PDE8B: variants seen among roughly 807,000 people sequenced by gnomAD.
PDE8B encodes phosphodiesterase 8B.
In PDE8B, 26 loss-of-function variants were observed where a neutral mutation model predicts 101.3. That is an observed-to-expected ratio of 0.26 (90% CI 0.19 to 0.36). PDE8B has a LOEUF of 0.36. Among genes scored for constraint, PDE8B ranks in the 10% least tolerant of loss-of-function variants. The pLI, the probability that PDE8B is intolerant of heterozygous loss-of-function variation, is 1.00. For missense variants in PDE8B, 810 were observed against 1,163.1 expected (o/e 0.70, Z 4.42); for synonymous variants, 424 against 429.3 (o/e 0.99, Z 0.15).
At chr5:77,332,816 A>C (rs1777389777) in intron 5 of PDE8B, among the ~76,000 whole-genome samples, 1 of 148,728 alleles carries the variant, frequency 6.7e-6, no homozygotes, top group African/African-American at 2.5e-5. Context: ...CAGCCTGGAC[A>C]AGAAGAGTAA....
chr5:77,140,429 G>C, the PDE8B span: 1 of 152,224 alleles, frequency 6.6e-6, no homozygotes, highest in South Asian at 2.1e-4. Context: ...AAAATCCCCA[G>C]ATCTCCAGGG....
intron 1 of PDE8B, among the ~76,000 whole-genome samples, chr5:77,309,133 G>T (rs1771930643): frequency 1.3e-5 from 2 of 149,588 alleles, no homozygotes; most frequent in South Asian, 4.3e-4. Context: ...GAGCCAAGAA[G>T]GCACCACTGC....
chr5:77,241,919 A>T (rs895265385), intron 1 of PDE8B, among the ~76,000 whole-genome samples: 1 of 152,202 alleles, frequency 6.6e-6, no homozygotes, highest in African/African-American at 2.4e-5. Flanking sequence ...TGCCTTGCCC[A>T]CCACTACTAC....
chr5:77,381,078 T>C (rs1236545115), intron 10 of PDE8B, among the ~76,000 whole-genome samples: 2 of 152,056 alleles, frequency 1.3e-5, no homozygotes, highest in Non-Finnish European at 2.9e-5. Flanking sequence ...GGATCAGAGG[T>C]GCACCTGGAG....
At chr5:77,347,568 G>A (rs1468978693) in intron 7 of PDE8B, among the ~76,000 whole-genome samples, 1 of 152,220 alleles carries the variant, frequency 6.6e-6, no homozygotes, top group Non-Finnish European at 1.5e-5. Context: ...TTAATAAACA[G>A]TCCTGAGTAT....
chr5:77,379,646 G>A (rs1787060486), intron 10 of PDE8B, among the ~76,000 whole-genome samples: 1 of 152,178 alleles, frequency 6.6e-6, no homozygotes, highest in Non-Finnish European at 1.5e-5. Flanking sequence ...ACTGAGGACA[G>A]GGGCCCAGAG....
intron 5 of PDE8B, among the ~76,000 whole-genome samples, chr5:77,335,534 T>G (rs796281256): frequency 0.017 from 1,195 of 70,708 alleles, 24 homozygotes; most frequent in South Asian, 0.16. Context: ...ATATGTGGGG[T>G]GTGTGTGTGT....
intron 12 of PDE8B, among the ~76,000 whole-genome samples, chr5:77,405,849 A>G (rs559419881): frequency 3.9e-5 from 6 of 152,170 alleles, no homozygotes; most frequent in Non-Finnish European, 8.8e-5. Flanking sequence ...AAATGGGAGG[A>G]CACGTTCTGG....
intron 1 of PDE8B, among the ~76,000 whole-genome samples, chr5:77,245,851 C>A: frequency 3.3e-5 from 2 of 60,716 alleles, no homozygotes; most frequent in African/African-American, 2.1e-4. Flanking sequence ...CCCCCCCCGC[C>A]CCCCCCCCCC....
chr5:77,327,826 CTT>C (rs1168181730), intron 3 of PDE8B, among the ~76,000 whole-genome samples: 2 of 152,176 alleles, frequency 1.3e-5, no homozygotes, highest in African/African-American at 4.8e-5. Flanking sequence ...ACAGAGGAAA[CTT>C]CACTTCCTGG....
chr5:77,096,549 A>T, the PDE8B span, among the ~76,000 whole-genome samples: 1 of 152,022 alleles, frequency 6.6e-6, no homozygotes, highest in Non-Finnish European at 1.5e-5. Flanking sequence ...AGGAGGAGAA[A>T]CTCCCTTCAT....
intron 1 of PDE8B, among the ~76,000 whole-genome samples, chr5:77,257,605 T>C (rs1372081173): frequency 6.6e-6 from 1 of 152,134 alleles, no homozygotes; most frequent in African/African-American, 2.4e-5. Context: ...GAGAAATAAA[T>C]AAATAAACCA....
In PDE8B at chr5:77,279,699, C is replaced by T. The variant is rs771107687; in HGVS notation, c.340-32295C>T. Among the ~76,000 whole-genome samples, 7 of 152,166 alleles carry T rather than the reference C, an allele frequency of 4.6e-5. No individual in the cohort carries two copies. The South Asian group carries it at 1.0e-3, about 22-fold the overall frequency. ...GAGGTTGAATAACTCCAAGGTTATC[C>T]AGCTGGTTAGTGACAAAGGTGGGGT... is the stretch of plus-strand genomic sequence containing the variant. On this transcript the variant is annotated intron_variant, in intron 1 of 21. Transcript: ENST00000264917.
the PDE8B span, among the ~76,000 whole-genome samples, chr5:77,156,342 G>A: frequency 2.2e-3 from 334 of 152,350 alleles, 1 homozygote; most frequent in African/African-American, 6.1e-3. Context: ...CAGACTCAGA[G>A]AGGGGAATGA....
intron 1 of PDE8B, among the ~76,000 whole-genome samples, chr5:77,235,682 T>C (rs1015115605): frequency 6.6e-6 from 1 of 152,212 alleles, no homozygotes; most frequent in Non-Finnish European, 1.5e-5. Flanking sequence ...TTTTTGTCAA[T>C]AAGGAATATT....
the PDE8B span, among the ~76,000 whole-genome samples, chr5:77,091,098 A>C: frequency 3.3e-5 from 5 of 152,326 alleles, no homozygotes; most frequent in South Asian, 8.3e-4. Flanking sequence ...ACTTTTTGAT[A>C]ATAGTCATCC....
the PDE8B span, among the ~76,000 whole-genome samples, chr5:77,200,262 T>C: frequency 1.3e-5 from 2 of 152,096 alleles, no homozygotes; most frequent in Admixed American, 1.3e-4. Flanking sequence ...GAAAAAAAAA[T>C]GTCCCAGAAG....
At chr5:77,140,903 T>TACACATGTACGTATATATACAC in the PDE8B span, 1 of 152,166 alleles carries the variant, frequency 6.6e-6, no homozygotes, top group Non-Finnish European at 1.5e-5. Context: ...TATATATACA[T>TACACATGTACGTATATATACAC]ACACATGTAC....
At chr5:77,319,921 AT>A (rs1333928356) in intron 2 of PDE8B, among the ~76,000 whole-genome samples, 1 of 152,154 alleles carries the variant, frequency 6.6e-6, no homozygotes, top group South Asian at 2.1e-4. Context: ...CTCTTGATAA[AT>A]TTTTTTAAAT....
Sources: gnomAD v4.1 joint callset for allele counts (sites outside exome capture counted in the v4.1 genomes callset) on GRCh38, gnomAD v4.1.1 for gene constraint, MANE v1.5 for transcripts, NCBI Gene and HGNC (gene_info 2026-07-23, HGNC 2026-07-21) for gene names.